CLPB: variants seen among roughly 807,000 people sequenced by gnomAD.
CLPB encodes mitochondrial disaggregase.
CLPB carries 40 observed loss-of-function variants against 78.4 expected under a neutral mutation model. The ratio of observed to expected loss-of-function variants is 0.51; its 90% CI spans 0.40 to 0.66. CLPB has a LOEUF of 0.66. Ranked by LOEUF, CLPB falls within the 30% of genes least tolerant of loss-of-function variation. The pLI, the probability that CLPB is intolerant of heterozygous loss-of-function variation, is 0.00. For synonymous variants in CLPB, 333 were observed against 348.0 expected (o/e 0.96, Z 0.48); for missense variants, 780 against 886.9 (o/e 0.88, Z 1.53).
At chr11:72,432,764 G>A (rs530516961) in intron 1 of CLPB, among the ~76,000 whole-genome samples, 1 of 152,302 alleles carries the variant, frequency 6.6e-6, no homozygotes, top group South Asian at 2.1e-4. Flanking sequence ...ATGAGAGTTA[G>A]ACACAGAACC....
intron 5 of CLPB, among the ~76,000 whole-genome samples, chr11:72,350,189 C>G (rs1950589290): frequency 6.6e-6 from 1 of 152,226 alleles, no homozygotes; most frequent in African/African-American, 2.4e-5. Context: ...ACTTAGGTCA[C>G]TGAGGGCCCC....
Position 72,293,435 on chromosome 11 carries a change from C to T in CLPB, c.1966G>A (p.Asp656Asn). The part of the protein sequence containing the change: ...PKLRLEIIDK[D>N]SKTRRLDIRA... ...ATGTCCAGTCTGCGAGTCTTGCTGT[C>T]CTTGTCGATGATCTCCAGACGCAGC... Residue 656 changes from aspartate to asparagine, a missense_variant, in exon 16 of 16, where the codon GAC becomes AAC. By Grantham distance (23) the Asp-to-Asn change is conservative (BLOSUM62 1). Around this residue, in one of 3 missense-constraint regions of CLPB, gnomAD observed 272 missense variants for 304.0 expected, o/e 0.89. Coordinates refer to ENST00000538039, the MANE Select transcript of CLPB (RefSeq NM_001258392.3). 1 of 1,614,160 alleles carries T rather than the reference C, an allele frequency of 6.2e-7. No individual in the cohort carries two copies. The highest frequency in any genetic ancestry group is 8.5e-7 in the Non-Finnish European group (1 of 1,180,030).
intron 2 of CLPB, among the ~76,000 whole-genome samples, chr11:72,427,964 G>A (rs1172130084): frequency 6.6e-6 from 1 of 152,196 alleles, no homozygotes; most frequent in Non-Finnish European, 1.5e-5. Flanking sequence ...CAGAAAGGCT[G>A]AATAAGGACC....
rs779889496 is a variant in CLPB at position 72,293,348 on chromosome 11, AG to A, written c.*18del. 15 of 1,609,828 alleles carry A rather than the reference AG, an allele frequency of 9.3e-6. No individual in the cohort carries two copies. The Admixed American group carries it at 2.5e-4, about 27-fold the overall frequency. Reference sequence around the variant, plus strand: ...CCTTTATTGGATGGTGAGGGCACATAGGAGCAGGCAGGTGGCTGCTAGATGG... The same window carrying A: ...CCTTTATTGGATGGTGAGGGCACATAGAGCAGGCAGGTGGCTGCTAGATGG... On this transcript the variant is annotated 3_prime_UTR_variant, in exon 16 of 16. Coordinates refer to ENST00000538039, the MANE Select transcript of CLPB (RefSeq NM_001258392.3).
intron 2 of CLPB, among the ~76,000 whole-genome samples, chr11:72,429,467 G>A (rs1856481200): frequency 6.6e-6 from 1 of 152,114 alleles, no homozygotes; most frequent in Non-Finnish European, 1.5e-5. Context: ...CACTGGGTGT[G>A]GAAATAGCCA....
chr11:72,297,752 T>C (rs555040994), intron 11 of CLPB, among the ~76,000 whole-genome samples: 1 of 148,878 alleles, frequency 6.7e-6, no homozygotes, highest in South Asian at 2.2e-4. Flanking sequence ...CATACTCACT[T>C]TGCAGAGCTC....
chr11:72,367,149 G>C (rs1160478095), intron 4 of CLPB, among the ~76,000 whole-genome samples: 7 of 152,040 alleles, frequency 4.6e-5, no homozygotes, highest in Non-Finnish European at 1.0e-4. Flanking sequence ...ACCAAATACT[G>C]CATGTTCTCA....
At chr11:72,424,923 A>T (rs745669968) in intron 2 of CLPB, among the ~76,000 whole-genome samples, 1 of 152,002 alleles carries the variant, frequency 6.6e-6, no homozygotes, top group Non-Finnish European at 1.5e-5. Flanking sequence ...ACACAAAAAA[A>T]AACTTAGCCA....
At chr11:72,409,973 TA>T (rs796942733) in intron 2 of CLPB, among the ~76,000 whole-genome samples, 212 of 138,700 alleles carry the variant, frequency 1.5e-3, no homozygotes, top group Middle Eastern at 4.2e-3. Flanking sequence ...AGACTCCGTA[TA>T]AAAAAAAAAA....
chr11:72,353,284 G>A (rs1950646960), intron 5 of CLPB: 1 of 152,330 alleles, frequency 6.6e-6, no homozygotes, highest in South Asian at 2.1e-4. Flanking sequence ...TAAAGTAGGT[G>A]GGAAGGAGGC....
At chr11:72,419,269 T>C (rs945328013) in intron 2 of CLPB, among the ~76,000 whole-genome samples, 2 of 152,174 alleles carry the variant, frequency 1.3e-5, no homozygotes, top group Admixed American at 6.5e-5. Context: ...AGAGGAGAGA[T>C]AGCACTTGGG....
chr11:72,367,489 C>T (rs1199255082), intron 4 of CLPB, among the ~76,000 whole-genome samples: 1 of 152,158 alleles, frequency 6.6e-6, no homozygotes, highest in East Asian at 1.9e-4. Flanking sequence ...GCTGGGATTA[C>T]AGGCGTGAGC....
intron 6 of CLPB, among the ~76,000 whole-genome samples, chr11:72,320,782 G>A (rs543309990): frequency 1.1e-4 from 17 of 152,082 alleles, no homozygotes; most frequent in South Asian, 8.3e-4. Flanking sequence ...GCACTGTGTC[G>A]GCTCACTGCA....
intron 7 of CLPB, among the ~76,000 whole-genome samples, chr11:72,311,461 A>G (rs567350701): frequency 1.3e-5 from 2 of 152,298 alleles, no homozygotes; most frequent in African/African-American, 4.8e-5. Flanking sequence ...TTTCCATTTT[A>G]TAGGTGAGGA....
intron 4 of CLPB, among the ~76,000 whole-genome samples, chr11:72,372,059 GGT>G (rs1445366251): frequency 6.6e-6 from 1 of 152,202 alleles, no homozygotes; most frequent in Non-Finnish European, 1.5e-5. Context: ...ATAAGCCTAT[GGT>G]GTAGGAAATA....
chr11:72,427,100 G>A (rs887290705), intron 2 of CLPB, among the ~76,000 whole-genome samples: 3 of 152,256 alleles, frequency 2.0e-5, no homozygotes, highest in Non-Finnish European at 4.4e-5. Flanking sequence ...ACAGATGGCA[G>A]AGGGCCATCT....
chr11:72,300,558 C>T (rs570775259), intron 11 of CLPB, among the ~76,000 whole-genome samples: 2 of 152,216 alleles, frequency 1.3e-5, no homozygotes, highest in East Asian at 1.9e-4. Context: ...GAAGATACAA[C>T]GGAACGGGCA....
intron 5 of CLPB, among the ~76,000 whole-genome samples, chr11:72,346,108 T>C (rs1590823371): frequency 6.6e-6 from 1 of 152,280 alleles, no homozygotes; most frequent in East Asian, 1.9e-4. Flanking sequence ...GGGCAGGCAG[T>C]ATTGGTGTTC....
At chr11:72,433,173 A>C (rs948268376) in intron 1 of CLPB, among the ~76,000 whole-genome samples, 8 of 152,106 alleles carry the variant, frequency 5.3e-5, no homozygotes, top group Non-Finnish European at 1.2e-4. Flanking sequence ...ACACAGCAAA[A>C]TCCTGAGACT....
Sources: gnomAD v4.1 joint callset for allele counts (sites outside exome capture counted in the v4.1 genomes callset) on GRCh38, gnomAD v4.1.1 for gene constraint, gnomAD v4.1.1 regional missense constraint, MANE v1.5 for transcripts, NCBI Gene and HGNC (gene_info 2026-07-23, HGNC 2026-07-21) for gene names.